JARID2: variants seen among roughly 807,000 people sequenced by gnomAD.
JARID2 encodes the protein protein Jumonji.
In JARID2, 21 loss-of-function variants were observed where a neutral mutation model predicts 125.6. That is an observed-to-expected ratio of 0.17 (90% CI 0.12 to 0.24). The LOEUF (loss-of-function observed/expected upper bound fraction) is 0.24. Among genes scored for constraint, JARID2 ranks in the 10% least tolerant of loss-of-function variants. The probability of loss-of-function intolerance (pLI) is 1.00; values close to 1 mark genes in which losing one functional copy is unlikely to be tolerated. For missense variants in JARID2, 1,303 were observed against 1,639.6 expected (o/e 0.79, Z 3.55); for synonymous variants, 736 against 661.6 (o/e 1.11, Z -1.73).
chr6:15,465,672 C>T (rs1305894604), intron 4 of JARID2, among the ~76,000 whole-genome samples: 1 of 151,846 alleles, frequency 6.6e-6, no homozygotes, highest in Non-Finnish European at 1.5e-5. Context: ...CTCAACAGAT[C>T]CTGTTAAGTG....
intron 4 of JARID2, among the ~76,000 whole-genome samples, chr6:15,458,752 G>C (rs938816836): frequency 1.2e-4 from 18 of 152,352 alleles, no homozygotes; most frequent in African/African-American, 4.1e-4. Context: ...ATTTGCTGCG[G>C]GTCTCCGCGT....
chr6:15,266,919 G>C (rs182559977), intron 1 of JARID2, among the ~76,000 whole-genome samples: 3 of 152,210 alleles, frequency 2.0e-5, no homozygotes, highest in Non-Finnish European at 4.4e-5. Context: ...TCACCAGGCC[G>C]TGGTTTAAAT....
intron 5 of JARID2, among the ~76,000 whole-genome samples, chr6:15,483,855 G>A (rs1003026793): frequency 6.6e-6 from 1 of 152,184 alleles, no homozygotes; most frequent in African/African-American, 2.4e-5. Flanking sequence ...TTGCATTTCC[G>A]CCAGTAGTGT....
intron 1 of JARID2, among the ~76,000 whole-genome samples, chr6:15,329,297 T>C (rs1359734658): frequency 1.3e-5 from 2 of 152,068 alleles, no homozygotes; most frequent in Non-Finnish European, 2.9e-5. Flanking sequence ...GTGGTTGTGA[T>C]TAATCCTGCA....
At chr6:15,487,564 T>G (rs1024437632) in intron 6 of JARID2, 22 bp downstream of exon 6, 5 of 1,554,562 alleles carry the variant, frequency 3.2e-6, no homozygotes, top group Middle Eastern at 1.7e-4. Flanking sequence ...CAGGGGTGCC[T>G]ACATGTGTGC....
intron 1 of JARID2, among the ~76,000 whole-genome samples, chr6:15,323,336 G>A (rs1257079284): frequency 1.3e-5 from 2 of 152,232 alleles, no homozygotes; most frequent in African/African-American, 4.8e-5. Flanking sequence ...GTGTGTGTGT[G>A]TGACTCACCC....
At chr6:15,462,148 A>G (rs763995382) in intron 4 of JARID2, among the ~76,000 whole-genome samples, 5 of 152,188 alleles carry the variant, frequency 3.3e-5, no homozygotes, top group African/African-American at 7.2e-5. Context: ...TACAATGGAG[A>G]TAAATTATTT....
intron 17 of JARID2, among the ~76,000 whole-genome samples, chr6:15,518,045 G>A (rs778726505): frequency 6.6e-6 from 1 of 152,214 alleles, no homozygotes; most frequent in East Asian, 1.9e-4. Context: ...CTAAATGATC[G>A]GAGAGCTGGA....
chr6:15,295,846 A>G (rs1017305831), intron 1 of JARID2, among the ~76,000 whole-genome samples: 4 of 152,158 alleles, frequency 2.6e-5, no homozygotes, highest in Admixed American at 6.5e-5. Flanking sequence ...GTATTTTAGT[A>G]GAGATGGGGC....
intron 3 of JARID2, among the ~76,000 whole-genome samples, chr6:15,447,942 C>T (rs1767746505): frequency 6.6e-6 from 1 of 152,204 alleles, no homozygotes; most frequent in African/African-American, 2.4e-5. Flanking sequence ...GAAGGAAACT[C>T]CTGTCCCTGA....
intron 4 of JARID2, among the ~76,000 whole-genome samples, chr6:15,464,152 A>G (rs1377589077): frequency 6.6e-6 from 1 of 152,102 alleles, no homozygotes; most frequent in Non-Finnish European, 1.5e-5. Flanking sequence ...ATCTTACTGC[A>G]TTTGTCTCGA....
At chr6:15,461,256 C>T (rs1304709992) in intron 4 of JARID2, among the ~76,000 whole-genome samples, 1 of 152,130 alleles carries the variant, frequency 6.6e-6, no homozygotes, top group East Asian at 1.9e-4. Flanking sequence ...GCTAGATTAG[C>T]GTGGGAATAG....
intron 1 of JARID2, among the ~76,000 whole-genome samples, chr6:15,285,191 A>C (rs1581369114): frequency 6.9e-6 from 1 of 145,940 alleles, no homozygotes; most frequent in Non-Finnish European, 1.5e-5. Flanking sequence ...GCTCACTGCA[A>C]CCTCCGCCTC....
chr6:15,450,291 T>TC (rs1278006839), intron 3 of JARID2, among the ~76,000 whole-genome samples: 3 of 152,282 alleles, frequency 2.0e-5, no homozygotes, highest in Admixed American at 1.3e-4. Flanking sequence ...TGCCTCAGCC[T>TC]CCTGAGTAGC....
chr6:15,385,726 C>A (rs1764760717), intron 2 of JARID2, among the ~76,000 whole-genome samples: 1 of 152,116 alleles, frequency 6.6e-6, no homozygotes, highest in Non-Finnish European at 1.5e-5. Context: ...GTCTCTGCCG[C>A]CCCCTTTCCA....
At position 15,487,375 on chromosome 6, in the gene JARID2, A is replaced by T; in HGVS notation, c.739A>T (p.Thr247Ser). Residue 247 changes from threonine to serine, a missense_variant, in exon 6 of 18, where the codon ACT (threonine) becomes TCT (serine). Physicochemically the swap from Thr to Ser is moderately conservative, Grantham distance 58 (BLOSUM62 1). Around this residue, in one of 11 missense-constraint regions of JARID2, gnomAD observed 651 missense variants for 581.6 expected, o/e 1.12. Transcript: ENST00000341776. ...PVQKHKSKEA[T>S]PAKEKHSDHR... ...TCAAAAACACAAAAGCAAAGAGGCC[A>T]CTCCCGCAAAGGAGAAGCACAGCGA... is the stretch of plus-strand genomic sequence containing the variant. 6.2e-7 allele frequency: 1 copy of T among 1,614,120 alleles called. No individual in the cohort carries two copies.
At chr6:15,303,160 CT>C (rs1761695618) in intron 1 of JARID2, among the ~76,000 whole-genome samples, 2 of 152,212 alleles carry the variant, frequency 1.3e-5, no homozygotes, top group African/African-American at 4.8e-5. Context: ...TTAGGTCTTA[CT>C]GTGACAAACT....
intron 1 of JARID2, among the ~76,000 whole-genome samples, chr6:15,373,570 T>G (rs933351971): frequency 6.6e-6 from 1 of 152,246 alleles, no homozygotes; most frequent in African/African-American, 2.4e-5. Flanking sequence ...TATTTGTGAT[T>G]CTTTTACTTA....
chr6:15,262,040 A>G (rs190718622), intron 1 of JARID2, among the ~76,000 whole-genome samples: 204 of 152,130 alleles, frequency 1.3e-3, no homozygotes, highest in Non-Finnish European at 2.1e-3. Flanking sequence ...TCAACCTCCG[A>G]AAGTGCTGGG....
Sources: allele counts gnomAD v4.1 joint callset (sites outside exome capture counted in the v4.1 genomes callset), GRCh38; gene constraint gnomAD v4.1.1; regional missense constraint gnomAD v4.1.1; transcripts MANE v1.5; gene names NCBI Gene and HGNC (gene_info 2026-07-23, HGNC 2026-07-21).